Variants in GNPTAB observed in about 807,000 individuals in gnomAD.
The protein encoded by GNPTAB is N-acetylglucosamine-1-phosphate transferase subunits alpha and beta, also known as N-acetylglucosamine-1-phosphotransferase subunits alpha/beta.
A neutral mutation model predicts 136.6 loss-of-function variants in GNPTAB; 92 were observed. That is an observed-to-expected ratio of 0.67 (90% CI 0.57 to 0.80). The LOEUF (loss-of-function observed/expected upper bound fraction) is 0.80. Ranked by LOEUF, GNPTAB falls within the 30% of genes least tolerant of loss-of-function variation. The pLI is 0.00. For synonymous variants in GNPTAB, 512 were observed against 535.1 expected (o/e 0.96, Z 0.60); for missense variants, 1,343 against 1,501.8 (o/e 0.89, Z 1.75).
chr12:101,816,919 T>C (rs995668382), intron 1 of GNPTAB, among the ~76,000 whole-genome samples: 18 of 152,156 alleles, frequency 1.2e-4, no homozygotes, highest in African/African-American at 4.1e-4. Flanking sequence ...GAGGACATGA[T>C]GTGAAGTAAA....
At chr12:101,761,390 T>C (rs750770809) in intron 14 of GNPTAB, 44 bp from the exon 15 acceptor site, 7 of 1,569,194 alleles carry the variant, frequency 4.5e-6, no homozygotes, top group South Asian at 1.1e-5. Flanking sequence ...ATTCAAAGTA[T>C]GTACCGTATC....
chr12:101,772,209 A>G (rs1953187290), intron 7 of GNPTAB, among the ~76,000 whole-genome samples: 2 of 152,216 alleles, frequency 1.3e-5, no homozygotes, highest in African/African-American at 2.4e-5. Context: ...ATCACTCAGG[A>G]AAAGGGGAGA....
At chr12:101,776,371 T>C (rs1036164788) in intron 7 of GNPTAB, among the ~76,000 whole-genome samples, 1 of 152,168 alleles carries the variant, frequency 6.6e-6, no homozygotes, top group Non-Finnish European at 1.5e-5. Context: ...TACACAAAAA[T>C]TATACAGATA....
intron 7 of GNPTAB, among the ~76,000 whole-genome samples, chr12:101,774,140 G>A (rs1446431669): frequency 6.6e-6 from 1 of 152,192 alleles, no homozygotes; most frequent in Non-Finnish European, 1.5e-5. Flanking sequence ...GACAGAGGGA[G>A]AACTAAATGG....
intron 1 of GNPTAB, among the ~76,000 whole-genome samples, chr12:101,823,170 G>A (rs11111045): frequency 6.6e-6 from 1 of 152,116 alleles, no homozygotes; most frequent in Non-Finnish European, 1.5e-5. Flanking sequence ...CAAACTGTTA[G>A]AGAAATTATT....
intron 14 of GNPTAB, 91 bp downstream of exon 14, chr12:101,761,473 A>G (rs1952993824): frequency 1.4e-6 from 2 of 1,437,748 alleles, no homozygotes; most frequent in Non-Finnish European, 9.8e-7. Context: ...ATCAAATATT[A>G]GAGCTATAAA....
At chr12:101,765,328 A>G (rs1036982727) in intron 12 of GNPTAB, 24 bp from the exon 13 acceptor site, 3 of 1,443,316 alleles carry the variant, frequency 2.1e-6, no homozygotes, top group Admixed American at 1.8e-5. Flanking sequence ...CAGAAACATG[A>G]TTTTTTTTTT....
chr12:101,758,983 T>C (rs1041955732), intron 16 of GNPTAB, among the ~76,000 whole-genome samples: 3 of 152,256 alleles, frequency 2.0e-5, no homozygotes, highest in Non-Finnish European at 2.9e-5. Context: ...GGTATGTGTG[T>C]TGTATATGTA....
Position 101,784,680 on chromosome 12 carries a change from GA to G in GNPTAB, c.571+1331del, listed in dbSNP as rs5800486. ...AAGGTAAGAACCTAAGAATCATGTGGAAAAAAAAAAAAAGCAAGTCATAGGA... is the reference window on the plus strand; with the variant it reads ...AAGGTAAGAACCTAAGAATCATGTGGAAAAAAAAAAAAGCAAGTCATAGGA... On this transcript the variant is annotated intron_variant, in intron 5 of 20. Coordinates refer to ENST00000299314, the MANE Select transcript of GNPTAB (RefSeq NM_024312.5). 8.7e-4 allele frequency among the ~76,000 whole-genome samples: 122 copies of G among 139,668 alleles called. No individual in the cohort carries two copies. In the East Asian group the frequency reaches 0.01, roughly 12 times the overall value. The allele number at this position is 139,668 out of a possible 152,430, so 91.6% of individuals were successfully genotyped here.
chr12:101,755,190 T>C (rs1952884126), intron 18 of GNPTAB, among the ~76,000 whole-genome samples: 1 of 152,176 alleles, frequency 6.6e-6, no homozygotes, highest in South Asian at 2.1e-4. Flanking sequence ...TTAATATTAA[T>C]CAGGTAGCAG....
intron 2 of GNPTAB, 100 bp from the exon 3 acceptor site, chr12:101,790,157 T>A (rs1868900319): frequency 2.0e-6 from 3 of 1,523,864 alleles, no homozygotes; most frequent in African/African-American, 2.7e-5. Flanking sequence ...ATGAAAAAAA[T>A]CTCTGAAGAA....
At chr12:101,795,989 G>A (rs995271164) in intron 2 of GNPTAB, 6 of 412,504 alleles carry the variant, frequency 1.5e-5, no homozygotes, top group African/African-American at 1.2e-4. Flanking sequence ...AAGAAATGGT[G>A]AAGACTGCGT....
intron 19 of GNPTAB, among the ~76,000 whole-genome samples, chr12:101,752,125 A>G (rs1952828755): frequency 6.6e-6 from 1 of 152,170 alleles, no homozygotes; most frequent in African/African-American, 2.4e-5. Context: ...TTTAACAAAT[A>G]TAAGAATGAA....
chr12:101,807,076 A>G (rs1869968642), intron 1 of GNPTAB, among the ~76,000 whole-genome samples: 1 of 152,220 alleles, frequency 6.6e-6, no homozygotes, highest in Admixed American at 6.5e-5. Context: ...AAAAAGAATT[A>G]TTTACCACAA....
chr12:101,827,518 G>A (rs1026795872), intron 1 of GNPTAB, among the ~76,000 whole-genome samples: 3 of 152,134 alleles, frequency 2.0e-5, no homozygotes, highest in South Asian at 2.1e-4. Flanking sequence ...TTACAGGCAT[G>A]AGCCACCTCA....
chr12:101,749,070 T>A (rs1317550428), intron 20 of GNPTAB, 31 bp downstream of exon 20: 1 of 1,203,774 alleles, frequency 8.3e-7, no homozygotes, highest in Non-Finnish European at 1.2e-6. Context: ...GAAATACCAT[T>A]TAATACCCAC....
intron 4 of GNPTAB, among the ~76,000 whole-genome samples, 165 bp from the exon 5 acceptor site, chr12:101,786,382 G>A (rs1459510165): frequency 2.6e-5 from 4 of 152,110 alleles, no homozygotes; most frequent in African/African-American, 9.7e-5. Flanking sequence ...AATTAAGTTA[G>A]CAAGTATGAT....
intron 1 of GNPTAB, among the ~76,000 whole-genome samples, chr12:101,811,639 T>TC (rs1491323522): frequency 7.8e-6 from 1 of 127,574 alleles, no homozygotes; most frequent in Non-Finnish European, 1.7e-5. Context: ...TGCTACACAC[T>TC]TTTTTTTTTT....
In GNPTAB at chr12:101,773,454, G is replaced by C. The variant is rs146240520; in HGVS notation, c.772-2297C>G. On this transcript the variant is annotated intron_variant, in intron 7 of 20. Coordinates refer to ENST00000299314, the MANE Select transcript of GNPTAB (RefSeq NM_024312.5). ...AGGCAGTGGGCGAAGCTGAGGGGCT[G>C]CAGGCCAGTTTCAGGCCCAGGCACT... 803 of 190,610 alleles carry C rather than the reference G, an allele frequency of 4.2e-3. 2 individuals carry two copies. Among genetic ancestry groups the C allele is most frequent in the Middle Eastern group, 0.024 (11 of 452 alleles). 11.8% of individuals were successfully genotyped at this position (190,610 alleles called of 1,614,324 possible).
Sources: allele counts gnomAD v4.1 joint callset (sites outside exome capture counted in the v4.1 genomes callset), GRCh38; gene constraint gnomAD v4.1.1; transcripts MANE v1.5; gene names NCBI Gene and HGNC (gene_info 2026-07-23, HGNC 2026-07-21).